CHD6: variants seen among roughly 807,000 people sequenced by gnomAD.
The protein encoded by CHD6 is ATP-dependent chromatin remodeler CHD6.
A neutral mutation model predicts 276.9 loss-of-function variants in CHD6; 50 were observed. That is an observed-to-expected ratio of 0.18 (90% CI 0.14 to 0.23). The LOEUF (loss-of-function observed/expected upper bound fraction) is 0.23. Among genes scored for constraint, CHD6 ranks in the 10% least tolerant of loss-of-function variants. The pLI, the probability that CHD6 is intolerant of heterozygous loss-of-function variation, is 1.00. For synonymous variants in CHD6, 1,173 were observed against 1,229.3 expected, an observed-to-expected ratio of 0.95 and a Z score of 0.96; for missense variants, 2,564 against 3,365.8, an observed-to-expected ratio of 0.76 and a Z score of 5.89.
In CHD6 at chr20:41,445,312, G is replaced by T. The variant is rs143842346; in HGVS notation, c.3877+353C>A. On this transcript the variant is annotated intron_variant, in intron 25 of 36. Transcript: ENST00000373233. The stretch of plus-strand genomic sequence containing the variant: ...GAAATGCTGAAACTTAGCATTTCCC[G>T]CCATTTATTTACTCCTTCATTCAAG... Among the ~76,000 whole-genome samples the T allele has an allele frequency of 2.0e-5, 3 of 152,172 alleles. No individual in the cohort carries two copies. The South Asian group carries it at 6.2e-4, about 32-fold the overall frequency.
At position 41,452,964 on chromosome 20, in the gene CHD6, G is replaced by A. The variant is rs755250987; in HGVS notation, c.3121-22C>T. 6.3e-7 allele frequency: 1 copy of A among 1,582,322 alleles called. No individual in the cohort carries two copies. Among genetic ancestry groups the A allele is most frequent in the Non-Finnish European group, 8.7e-7 (1 of 1,151,398 alleles). On this transcript the variant is annotated intron_variant, in intron 20 of 36. Coordinates refer to ENST00000373233, the MANE Select transcript of CHD6 (RefSeq NM_032221.5). The surrounding 1 kb of genome is among the most constrained non-coding windows in gnomAD (Gnocchi z 4.2). ...TTTCCTAGAAATGGAGAGGACTACT[G>A]GGAAGAAAGTCCTCTTTTCTCTACT...
intron 1 of CHD6, among the ~76,000 whole-genome samples, chr20:41,604,649 G>C (rs948544609): frequency 2.0e-5 from 3 of 152,096 alleles, no homozygotes; most frequent in Admixed American, 6.5e-5. Flanking sequence ...AGGAAGATTT[G>C]AACAAACACG....
intron 25 of CHD6, among the ~76,000 whole-genome samples, chr20:41,442,537 T>C (rs1423970941): frequency 6.6e-6 from 1 of 152,232 alleles, no homozygotes; most frequent in Non-Finnish European, 1.5e-5. Flanking sequence ...AGCTCATACT[T>C]AACCAAGGCA....
chr20:41,422,317 G>A (rs139274320), intron 30 of CHD6, among the ~76,000 whole-genome samples: 46 of 152,264 alleles, frequency 3.0e-4, no homozygotes, highest in African/African-American at 1.1e-3. Context: ...TCTGAAAACA[G>A]TATTAGTTTC....
At chr20:41,425,891 T>A (rs2047347159) in intron 28 of CHD6, among the ~76,000 whole-genome samples, 1 of 152,222 alleles carries the variant, frequency 6.6e-6, no homozygotes, top group African/African-American at 2.4e-5. Flanking sequence ...TACTTCACTT[T>A]CAAATTTTAA....
chr20:41,414,097 T>C (rs2046924047), intron 34 of CHD6: 2 of 152,228 alleles, frequency 1.3e-5, no homozygotes, highest in African/African-American at 4.8e-5. Context: ...ACTATGGTGT[T>C]GCACATCTAA....
At chr20:41,560,663 A>C (rs2045291766) in intron 1 of CHD6, among the ~76,000 whole-genome samples, 2 of 152,102 alleles carry the variant, frequency 1.3e-5, no homozygotes, top group Admixed American at 1.3e-4. Flanking sequence ...GAGTAAGTGA[A>C]TTAATGGGAA....
In CHD6 at chr20:41,415,196, G is replaced by A. The variant is rs146226470; in HGVS notation, c.6929C>T (p.Ala2310Val). 126 of 1,613,296 alleles carry A rather than the reference G, an allele frequency of 7.8e-5. 1 individual carries two copies. The highest frequency in any genetic ancestry group is 1.6e-4 in the Middle Eastern group (1 of 6,080). ...LIFLKEQTLQ[A>V]GILEVHEDPG... ...GACCTCAATACCCACCAAGATTCCC[G>A]CCTGAAGTGTCTGCTCCTTCAAAAA... Residue 2310 changes from alanine (A) to valine (V), a missense_variant, in exon 34 of 37, where the codon GCG (alanine) becomes GTG (valine). Ala to Val is a moderately conservative substitution (Grantham distance 64). Coordinates refer to ENST00000373233, the MANE Select transcript of CHD6 (RefSeq NM_032221.5).
chr20:41,477,299 G>A (rs1323886414), intron 16 of CHD6, among the ~76,000 whole-genome samples: 1 of 151,956 alleles, frequency 6.6e-6, no homozygotes, highest in Non-Finnish European at 1.5e-5. Context: ...TATTAAATAT[G>A]CAAAGGAATA....
rs1271772503 is a variant in CHD6, at chr20:41,420,615, T to C, written c.6020A>G (p.Gln2007Arg). 2.8e-5 allele frequency: 46 copies of C among 1,614,118 alleles called. No homozygotes were observed. Among genetic ancestry groups the C allele is most frequent in the Non-Finnish European group, 3.6e-5 (43 of 1,180,038 alleles). Residue 2007 changes from glutamine (Q) to arginine (R), a missense_variant, in exon 31 of 37, where the codon CAA becomes CGA. Coordinates refer to ENST00000373233, the MANE Select transcript of CHD6 (RefSeq NM_032221.5). ...AAGAGGATATGTGGGGAAAACGTTT[T>C]GCCCCTCTGCACTTTCTTTCCAAGG... ...KEPWKESAEG[Q>R]NVFPTYPLEG...
chr20:41,452,958 A>T lies in CHD6; in HGVS notation c.3121-16T>A. 2 of 1,605,382 alleles carry T rather than the reference A, an allele frequency of 1.2e-6. No homozygotes were observed. Among genetic ancestry groups the T allele is most frequent in the Non-Finnish European group, 1.7e-6 (2 of 1,172,364 alleles). ...CTAAGCTTTCCTAGAAATGGAGAGG[A>T]CTACTGGGAAGAAAGTCCTCTTTTC... On this transcript the variant is annotated splice_polypyrimidine_tract_variant and intron_variant, in intron 20 of 36. Transcript: ENST00000373233. The surrounding 1 kb of genome is among the most constrained non-coding windows in gnomAD (Gnocchi z 4.2).
At chr20:41,613,870 G>A (rs1274633692) in intron 1 of CHD6, among the ~76,000 whole-genome samples, 1 of 152,112 alleles carries the variant, frequency 6.6e-6, no homozygotes, top group African/African-American at 2.4e-5. Flanking sequence ...TCACAGACCA[G>A]CCAAAGACTC....
intron 1 of CHD6, among the ~76,000 whole-genome samples, chr20:41,617,141 A>G (rs555418162): frequency 6.6e-6 from 1 of 152,346 alleles, no homozygotes; most frequent in South Asian, 2.1e-4. Flanking sequence ...TGGATCTGCC[A>G]GCAGAAACGA....
At chr20:41,460,761 G>C (rs2048521385) in intron 17 of CHD6, among the ~76,000 whole-genome samples, 1 of 152,236 alleles carries the variant, frequency 6.6e-6, no homozygotes, top group African/African-American at 2.4e-5. Context: ...CAGTGCGGAA[G>C]GGAAATGTGG....
At chr20:41,555,332 CCCGGACGGGGCGGCCGG>C (rs1568699373) in intron 1 of CHD6, among the ~76,000 whole-genome samples, 1 of 147,136 alleles carries the variant, frequency 6.8e-6, no homozygotes. Context: ...CCCCTCACCT[CCCGGACGGGGCGGCCGG>C]CCGGGCGGGG....
intron 1 of CHD6, among the ~76,000 whole-genome samples, chr20:41,552,778 G>A (rs1601133641): frequency 6.6e-6 from 1 of 152,184 alleles, no homozygotes; most frequent in East Asian, 1.9e-4. Flanking sequence ...TGTCTACCAA[G>A]GTACTGCTGT....
chr20:41,604,987 T>A (rs1339106599), intron 1 of CHD6, among the ~76,000 whole-genome samples: 2 of 152,174 alleles, frequency 1.3e-5, no homozygotes, highest in Non-Finnish European at 2.9e-5. Flanking sequence ...AAGGACTGCA[T>A]ATTGGGTTTT....
rs111867958 is a variant in CHD6 at position 41,507,831 on chromosome 20, A to G, written c.852+5015T>C. Among the ~76,000 whole-genome samples the G allele has an allele frequency of 7.5e-3, 1,138 of 152,182 alleles. 17 individuals carry two copies. Among genetic ancestry groups the G allele is most frequent in the African/African-American group, 0.026 (1,075 of 41,518 alleles). ...AAACTTTTAACCCTATTTACCTTCAACCTCAGCCAACTACCTCTTTTACTT... is the reference window on the plus strand; with the variant it reads ...AAACTTTTAACCCTATTTACCTTCAGCCTCAGCCAACTACCTCTTTTACTT... On this transcript the variant is annotated intron_variant, in intron 5 of 36. Coordinates refer to ENST00000373233, the MANE Select transcript of CHD6 (RefSeq NM_032221.5).
intron 27 of CHD6, among the ~76,000 whole-genome samples, chr20:41,426,405 C>T (rs938076526): frequency 4.3e-4 from 65 of 152,062 alleles, no homozygotes; most frequent in African/African-American, 1.4e-3. Context: ...TGTAGAGAAT[C>T]GGCTTGAGCA....
Sources: gnomAD v4.1 joint callset for allele counts (sites outside exome capture counted in the v4.1 genomes callset) on GRCh38, gnomAD v4.1.1 for gene constraint, Gnocchi (gnomAD v3.1) non-coding constraint, MANE v1.5 for transcripts, NCBI Gene and HGNC (gene_info 2026-07-23, HGNC 2026-07-21) for gene names.